Variants in PPP1R9A observed in about 807,000 individuals in gnomAD.
The protein encoded by PPP1R9A is neurabin-1.
In PPP1R9A, 59 loss-of-function variants were observed where a neutral mutation model predicts 141.9. That is an observed-to-expected ratio of 0.42 (90% CI 0.34 to 0.52). The LOEUF (loss-of-function observed/expected upper bound fraction) is 0.52. Ranked by LOEUF, PPP1R9A falls within the 20% of genes least tolerant of loss-of-function variation. The pLI is 0.10. For synonymous variants in PPP1R9A, 500 were observed against 569.7 expected, an observed-to-expected ratio of 0.88 and a Z score of 1.74; for missense variants, 1,444 against 1,611.9, an observed-to-expected ratio of 0.90 and a Z score of 1.78.
At chr7:95,127,341 G>A (rs1192548928) in intron 4 of PPP1R9A, among the ~76,000 whole-genome samples, 2 of 152,024 alleles carry the variant, frequency 1.3e-5, no homozygotes, top group Non-Finnish European at 2.9e-5. Context: ...AAGGTAGACA[G>A]GAAGAACTAT....
chr7:95,188,670 C>T (rs917295055), intron 5 of PPP1R9A, among the ~76,000 whole-genome samples: 1 of 150,336 alleles, frequency 6.7e-6, no homozygotes, highest in Non-Finnish European at 1.5e-5. Context: ...GCAATCTCGG[C>T]TCACTGTAAC....
chr7:95,077,309 A>G (rs995997639), intron 2 of PPP1R9A, among the ~76,000 whole-genome samples: 2 of 152,094 alleles, frequency 1.3e-5, no homozygotes, highest in Non-Finnish European at 1.5e-5. Context: ...CAGTTAATTT[A>G]TATAATCTGT....
intron 2 of PPP1R9A, among the ~76,000 whole-genome samples, chr7:95,081,162 AGC>A (rs1467394998): frequency 6.6e-6 from 1 of 152,208 alleles, no homozygotes; most frequent in Non-Finnish European, 1.5e-5. Flanking sequence ...CAGAAAAAAA[AGC>A]TTAAGGATAT....
intron 2 of PPP1R9A, among the ~76,000 whole-genome samples, chr7:95,070,985 A>G (rs1043984933): frequency 6.6e-6 from 1 of 152,058 alleles, no homozygotes; most frequent in Non-Finnish European, 1.5e-5. Context: ...TTTTGTGAGA[A>G]TATCAAGGGG....
At chr7:94,938,017 T>A (rs537263706) in intron 2 of PPP1R9A, among the ~76,000 whole-genome samples, 1 of 152,190 alleles carries the variant, frequency 6.6e-6, no homozygotes, top group East Asian at 1.9e-4. Flanking sequence ...TTCACTATAG[T>A]TTTCTATATC....
intron 2 of PPP1R9A, among the ~76,000 whole-genome samples, chr7:95,063,877 CAGAGCATAATACTTGTTTTGAAATT>C (rs1382916750): frequency 6.6e-6 from 1 of 152,070 alleles, no homozygotes; most frequent in Non-Finnish European, 1.5e-5. Flanking sequence ...TTATATTACT[CAGAGCATAATACTTGTTTTGAAATT>C]ATGTGTGGGG....
chr7:95,247,366 T>C, intron 8 of PPP1R9A, 107 bp from the exon 9 acceptor site: 1 of 862,332 alleles, frequency 1.2e-6, no homozygotes, highest in Non-Finnish European at 1.8e-6. Context: ...CTGCAGCACT[T>C]TTCTAGGCCT....
chr7:95,049,931 G>C (rs1417964715), intron 2 of PPP1R9A, among the ~76,000 whole-genome samples: 2 of 152,136 alleles, frequency 1.3e-5, no homozygotes, highest in Admixed American at 6.5e-5. Context: ...GTGCTTTCAA[G>C]TTTTGACAGT....
chr7:94,931,692 C>T (rs1012122599), intron 2 of PPP1R9A, among the ~76,000 whole-genome samples: 1 of 152,148 alleles, frequency 6.6e-6, no homozygotes, highest in Non-Finnish European at 1.5e-5. Context: ...GATTCTCCTG[C>T]CTCAGCCTCC....
chr7:95,199,673 T>C (rs1035283466), intron 6 of PPP1R9A, among the ~76,000 whole-genome samples: 19 of 152,176 alleles, frequency 1.2e-4, no homozygotes, highest in Non-Finnish European at 2.5e-4. Context: ...GAACTTGATT[T>C]AATTTATTTT....
chr7:95,035,257 A>C (rs1330435401), intron 2 of PPP1R9A, among the ~76,000 whole-genome samples: 1 of 152,202 alleles, frequency 6.6e-6, no homozygotes, highest in African/African-American at 2.4e-5. Context: ...ATTAATTAAA[A>C]ATATTTTTCC....
chr7:95,172,225 CAAGATTGTACCAG>C (rs1277244543), intron 5 of PPP1R9A, among the ~76,000 whole-genome samples: 9 of 151,590 alleles, frequency 5.9e-5, no homozygotes, highest in Admixed American at 5.9e-4. Context: ...CACTTCCATT[CAAGATTGTACCAG>C]AGGCCATAGC....
At chr7:94,911,692 T>C (rs2150591356) in intron 2 of PPP1R9A, among the ~76,000 whole-genome samples, 184 bp downstream of exon 2, 1 of 152,280 alleles carries the variant, frequency 6.6e-6, no homozygotes, top group South Asian at 2.1e-4. Flanking sequence ...TCAATTACAT[T>C]TCTTAAATGT....
intron 5 of PPP1R9A, among the ~76,000 whole-genome samples, chr7:95,169,296 A>G (rs1247240921): frequency 6.6e-6 from 1 of 152,014 alleles, no homozygotes; most frequent in Non-Finnish European, 1.5e-5. Flanking sequence ...CAGAGAGACA[A>G]CTATGACATG....
chr7:95,155,849 A>C (rs942900387), intron 4 of PPP1R9A: 6 of 152,226 alleles, frequency 3.9e-5, no homozygotes, highest in African/African-American at 1.4e-4. Context: ...AATATTTTAC[A>C]TGACAATAAA....
chr7:95,246,178 C>T (rs186812003), intron 8 of PPP1R9A, among the ~76,000 whole-genome samples: 38 of 152,140 alleles, frequency 2.5e-4, no homozygotes, highest in Non-Finnish European at 5.3e-4. Context: ...CCCATGTGTC[C>T]CCATGAACTT....
chr7:95,210,852 A>G (rs1791956543), intron 7 of PPP1R9A, among the ~76,000 whole-genome samples: 3 of 152,198 alleles, frequency 2.0e-5, no homozygotes, highest in Non-Finnish European at 2.9e-5. Context: ...TTGCAAGGAC[A>G]TGGTTGAAGC....
intron 4 of PPP1R9A, among the ~76,000 whole-genome samples, chr7:95,143,555 G>T (rs554821944): frequency 6.6e-6 from 1 of 152,128 alleles, no homozygotes; most frequent in Admixed American, 6.5e-5. Context: ...TGTTATTTTG[G>T]TTGCAAGGAT....
chr7:94,955,016 T>TA (rs1270363627), intron 2 of PPP1R9A, among the ~76,000 whole-genome samples: 1 of 151,980 alleles, frequency 6.6e-6, no homozygotes, highest in Non-Finnish European at 1.5e-5. Context: ...TTTAGATTTT[T>TA]AAAAAAACTT....
Sources: gnomAD v4.1 joint callset for allele counts (sites outside exome capture counted in the v4.1 genomes callset) on GRCh38, gnomAD v4.1.1 for gene constraint, MANE v1.5 for transcripts, NCBI Gene and HGNC (gene_info 2026-07-23, HGNC 2026-07-21) for gene names.